Variants in MERTK observed in about 807,000 individuals in gnomAD.
MERTK encodes MER proto-oncogene, tyrosine kinase, also known as tyrosine-protein kinase Mer.
A neutral mutation model predicts 99.3 loss-of-function variants in MERTK; 69 were observed. That is an observed-to-expected ratio of 0.70 (90% confidence interval 0.57 to 0.85). The LOEUF (loss-of-function observed/expected upper bound fraction) is 0.85, where lower values mean the gene tolerates loss of function less well. MERTK is among the 40% of genes least tolerant of loss of function. The probability of loss-of-function intolerance (pLI) is 0.00; values close to 1 mark genes in which losing one functional copy is unlikely to be tolerated. For synonymous variants in MERTK, 426 were observed against 467.6 expected, an observed-to-expected ratio of 0.91 and a Z score of 1.15; for missense variants, 1,125 against 1,249.4, an observed-to-expected ratio of 0.90 and a Z score of 1.50.
chr2:111,902,755 C>G (rs972853315), intron 1 of MERTK, among the ~76,000 whole-genome samples: 5 of 151,210 alleles, frequency 3.3e-5, no homozygotes, highest in Non-Finnish European at 7.4e-5. Flanking sequence ...ATGCTTCTCA[C>G]AACCTGATCA....
In MERTK at chr2:112,029,508, A is replaced by G. The variant is rs778978465; in HGVS notation, c.*644A>G. Reference sequence around the variant, plus strand: ...GGCATTGCTTTATAGAGATATGGAAAAACCACACCAGGGTCTGTAGATAAG... The same window carrying G: ...GGCATTGCTTTATAGAGATATGGAAGAACCACACCAGGGTCTGTAGATAAG... On this transcript the variant is annotated 3_prime_UTR_variant, in exon 19 of 19. Coordinates refer to ENST00000295408, the MANE Select transcript of MERTK (RefSeq NM_006343.3). The G allele has an allele frequency of 3.8e-5, 7 of 184,626 alleles. No individual in the cohort carries two copies. Among genetic ancestry groups the G allele is most frequent in the Non-Finnish European group, 7.2e-5 (7 of 97,806 alleles). The allele number at this position is 184,626 out of a possible 1,614,324, so 11.4% of individuals were successfully genotyped here. A position where few individuals can be genotyped will look rare whatever the true frequency, so the allele number is the denominator to read the frequency against.
chr2:112,006,516 C>CT (rs1219591503), intron 13 of MERTK, among the ~76,000 whole-genome samples: 3 of 152,114 alleles, frequency 2.0e-5, no homozygotes, highest in African/African-American at 7.2e-5. Flanking sequence ...GTGGGGAGTC[C>CT]TTCCATAATT....
chr2:112,022,453 C>T, intron 18 of MERTK, 59 bp downstream of exon 18: 2 of 1,610,618 alleles, frequency 1.2e-6, no homozygotes, highest in Non-Finnish European at 1.7e-6. Context: ...CCTGGCTCTG[C>T]ACTGACCTCG....
At position 112,008,431 on chromosome 2, in the gene MERTK, C is replaced by T. The variant is rs1677029751; in HGVS notation, c.1916C>T (p.Ala639Val). The T allele has an allele frequency of 1.9e-6, 3 of 1,614,106 alleles. No individual in the cohort carries two copies. Among genetic ancestry groups the T allele is most frequent in the African/African-American group, 1.3e-5 (1 of 75,040 alleles). ...ATCGAGGAGTTTCTCAGTGAGGCAG[C>T]GTGCATGAAAGACTTCAGCCACCCA... ...REIEEFLSEA[A>V]CMKDFSHPNV... The change falls in exon 14 of 19, where the codon GCG becomes GTG. Residue 639 changes from alanine (A) to valine (V), a missense_variant. Ala to Val is a moderately conservative substitution (Grantham distance 64). Transcript: ENST00000295408.
intron 2 of MERTK, among the ~76,000 whole-genome samples, chr2:111,939,585 A>G (rs1181513642): frequency 6.6e-6 from 1 of 151,304 alleles, no homozygotes; most frequent in Non-Finnish European, 1.5e-5. Context: ...GGCTTAAACA[A>G]TCCTCCCATC....
chr2:111,949,843 CT>C (rs560024103), intron 4 of MERTK, among the ~76,000 whole-genome samples: 2 of 152,152 alleles, frequency 1.3e-5, no homozygotes, highest in Admixed American at 6.5e-5. Context: ...AAAGTATGTA[CT>C]TTTTTGTGTC....
intron 10 of MERTK, among the ~76,000 whole-genome samples, chr2:111,999,810 A>G (rs1374842191): frequency 6.6e-6 from 1 of 152,194 alleles, no homozygotes; most frequent in East Asian, 1.9e-4. Flanking sequence ...GGAGTCAGCA[A>G]AGGATGGTGG....
chr2:112,025,565 ATC>A (rs1677445530), intron 18 of MERTK, among the ~76,000 whole-genome samples: 2 of 152,204 alleles, frequency 1.3e-5, no homozygotes, highest in South Asian at 4.1e-4. Flanking sequence ...AGCATCTGAG[ATC>A]TGGAGAAGGG....
At chr2:111,911,209 A>G (rs1170705770) in intron 1 of MERTK, among the ~76,000 whole-genome samples, 1 of 152,112 alleles carries the variant, frequency 6.6e-6, no homozygotes, top group Non-Finnish European at 1.5e-5. Flanking sequence ...CTTACCACAT[A>G]CATGTTATAA....
At chr2:112,000,522 T>G (rs1231336543) in intron 10 of MERTK, among the ~76,000 whole-genome samples, 1 of 152,174 alleles carries the variant, frequency 6.6e-6, no homozygotes, top group Non-Finnish European at 1.5e-5. Context: ...TCTATTGCAA[T>G]GTGTTCGATG....
chr2:111,934,129 A>C (rs1684724188), intron 2 of MERTK, among the ~76,000 whole-genome samples: 1 of 152,232 alleles, frequency 6.6e-6, no homozygotes, highest in Middle Eastern at 3.4e-3. Context: ...TCATTGATGG[A>C]CATTTGGATT....
intron 4 of MERTK, among the ~76,000 whole-genome samples, chr2:111,956,463 T>C (rs1280255084): frequency 6.6e-6 from 1 of 152,218 alleles, no homozygotes; most frequent in East Asian, 1.9e-4. Context: ...AAAATACACA[T>C]TTTATATTTA....
chr2:111,898,970 C>T (rs539889862), intron 1 of MERTK, among the ~76,000 whole-genome samples, 174 bp downstream of exon 1: 17 of 152,344 alleles, frequency 1.1e-4, no homozygotes, highest in African/African-American at 3.6e-4. Flanking sequence ...CTACCGTCCA[C>T]TGACCGCGGC....
intron 1 of MERTK, among the ~76,000 whole-genome samples, chr2:111,913,819 G>T (rs1266826718): frequency 6.6e-6 from 1 of 152,182 alleles, no homozygotes; most frequent in Admixed American, 6.5e-5. Context: ...AAAGTGCTAG[G>T]ATTACAGGCA....
chr2:111,923,789 G>C (rs1684506959), intron 1 of MERTK, among the ~76,000 whole-genome samples: 2 of 152,180 alleles, frequency 1.3e-5, no homozygotes, highest in African/African-American at 4.8e-5. Context: ...ATAATTTTGA[G>C]AGTATTCCAC....
At chr2:111,949,087 C>T (rs1312668935) in intron 4 of MERTK, among the ~76,000 whole-genome samples, 7 of 151,922 alleles carry the variant, frequency 4.6e-5, no homozygotes, top group East Asian at 3.9e-4. Context: ...GTTCTTCCAT[C>T]GGCCCTTTGT....
chr2:111,909,360 G>A (rs1049796268), intron 1 of MERTK, among the ~76,000 whole-genome samples: 1 of 152,154 alleles, frequency 6.6e-6, no homozygotes, highest in East Asian at 1.9e-4. Context: ...CCTGGGCCTT[G>A]ACTCATGACA....
Position 111,926,074 on chromosome 2 carries a change from G to A in MERTK, c.62-3046G>A, listed in dbSNP as rs546167804. Among the ~76,000 whole-genome samples, 41 of 150,848 alleles carry A rather than the reference G, an allele frequency of 2.7e-4. No homozygotes were observed. The South Asian group carries it at 5.9e-3, about 22-fold the overall frequency. ...TCTCGATCTCCTGACCTCGTGATCC[G>A]CCTGCCTTGGCCTCCCAAAGTGCTG... On this transcript the variant is annotated intron_variant, in intron 1 of 18. Transcript: ENST00000295408.
intron 8 of MERTK, among the ~76,000 whole-genome samples, chr2:111,984,821 C>CT (rs1260912757): frequency 6.6e-6 from 1 of 152,246 alleles, no homozygotes; most frequent in Non-Finnish European, 1.5e-5. Context: ...TCTTCCAAGA[C>CT]TGAGCAGGCA....
Sources: gnomAD v4.1 joint callset for allele counts (sites outside exome capture counted in the v4.1 genomes callset) on GRCh38, gnomAD v4.1.1 for gene constraint, MANE v1.5 for transcripts, NCBI Gene and HGNC (gene_info 2026-07-23, HGNC 2026-07-21) for gene names.